The following TMEM182 variants were observed in gnomAD, a reference collection of about 807,000 sequenced individuals.
The protein encoded by TMEM182 is transmembrane protein 182.
TMEM182 carries 20 observed loss-of-function variants against 26.8 expected under a neutral mutation model. The ratio of observed to expected loss-of-function variants is 0.75; its 90% CI spans 0.53 to 1.09. The LOEUF is 1.09. TMEM182 is among the 50% of genes least tolerant of loss of function. The probability of loss-of-function intolerance (pLI) is 0.00; values close to 1 mark genes in which losing one functional copy is unlikely to be tolerated. For synonymous variants in TMEM182, 109 were observed against 102.2 expected (o/e 1.07, Z -0.40); for missense variants, 277 against 275.5 (o/e 1.01, Z -0.04).
At chr2:102,752,950 G>A (rs2540310) in intron 1 of TMEM182, among the ~76,000 whole-genome samples, 1 of 152,180 alleles carries the variant, frequency 6.6e-6, no homozygotes, top group South Asian at 2.1e-4. Flanking sequence ...TAATATGCAA[G>A]CTTAGAAAGA....
intron 1 of TMEM182, among the ~76,000 whole-genome samples, chr2:102,755,129 G>T (rs1162442457): frequency 6.6e-6 from 1 of 152,100 alleles, no homozygotes; most frequent in Admixed American, 6.5e-5. Flanking sequence ...CCAGGAAGCT[G>T]GAAGAATCTC....
intron 4 of TMEM182, among the ~76,000 whole-genome samples, chr2:102,798,684 C>CA (rs1223942336): frequency 1.3e-5 from 2 of 151,692 alleles, no homozygotes; most frequent in Admixed American, 6.6e-5. Flanking sequence ...ACTAAAAATA[C>CA]AAAAAAATTA....
At chr2:102,799,989 T>C (rs1156279698) in intron 4 of TMEM182, among the ~76,000 whole-genome samples, 1 of 152,096 alleles carries the variant, frequency 6.6e-6, no homozygotes, top group African/African-American at 2.4e-5. Flanking sequence ...TTTGGAGTTT[T>C]GTTTCCTGAG....
intron 4 of TMEM182, among the ~76,000 whole-genome samples, chr2:102,805,727 T>C (rs1294500654): frequency 6.6e-5 from 10 of 152,006 alleles, no homozygotes; most frequent in Admixed American, 6.6e-4. Context: ...TGAAAGACGG[T>C]TTTCAGATGT....
chr2:102,775,004 A>G (rs894400422), intron 3 of TMEM182: 5 of 152,242 alleles, frequency 3.3e-5, no homozygotes, highest in African/African-American at 9.6e-5. Context: ...TCTTGTCTAT[A>G]TATCTACAAA....
Position 102,828,917 on chromosome 2 carries a change from T to C in TMEM182, c.326-14495T>C, listed in dbSNP as rs112267746. ...ACCTGAAATTGCCTAAGAATTGATT[T>C]CCAGCAAATAAGGGGTATGAAGAAC... On this transcript the variant is annotated intron_variant, in intron 3 of 3. Coordinates refer to the TMEM182 transcript ENST00000486293. Among the ~76,000 whole-genome samples, 314 of 152,284 alleles carry C rather than the reference T, an allele frequency of 2.1e-3. 2 individuals carry two copies. Among genetic ancestry groups the C allele is most frequent in the African/African-American group, 7.2e-3 (298 of 41,568 alleles).
intron 1 of TMEM182, among the ~76,000 whole-genome samples, chr2:102,750,734 G>A (rs558432000): frequency 2.0e-5 from 3 of 152,300 alleles, no homozygotes; most frequent in African/African-American, 4.8e-5. Context: ...GGAAACAGTG[G>A]TTTGGCAACC....
chr2:102,762,081 C>T lies in TMEM182; in HGVS notation c.-137C>T, dbSNP rs941601393. 14 of 726,882 alleles carry T rather than the reference C, an allele frequency of 1.9e-5. No individual in the cohort carries two copies. Among genetic ancestry groups the T allele is most frequent in the Non-Finnish European group, 2.8e-5 (13 of 463,420 alleles). 45.0% of individuals were successfully genotyped at this position (726,882 alleles called of 1,614,324 possible). ...GAAGCCACCAAAACATGAGCTAGGA[C>T]AGCCTTCTCAAGAAGATTCTGCCAA... On this transcript the variant is annotated 5_prime_UTR_variant, in exon 1 of 5. Transcript: ENST00000412401.
intron 3 of TMEM182, among the ~76,000 whole-genome samples, chr2:102,768,882 G>T (rs1475642641): frequency 6.6e-6 from 1 of 151,768 alleles, no homozygotes; most frequent in Non-Finnish European, 1.5e-5. Context: ...CTACAAGCAG[G>T]GAGGCAGCGA....
chr2:102,752,205 A>G (rs1171298568), intron 1 of TMEM182, among the ~76,000 whole-genome samples: 14 of 152,218 alleles, frequency 9.2e-5, no homozygotes, highest in Admixed American at 9.2e-4. Context: ...AGCAATCCTG[A>G]TGCTTATTGC....
intron 4 of TMEM182, among the ~76,000 whole-genome samples, chr2:102,812,874 A>G (rs912841562): frequency 6.6e-6 from 1 of 152,230 alleles, no homozygotes; most frequent in African/African-American, 2.4e-5. Flanking sequence ...CTTTACATCA[A>G]CAGGCAACAC....
chr2:102,826,301 C>CTTTTTTT (rs375776814), intron 3 of TMEM182, among the ~76,000 whole-genome samples: 1 of 120,066 alleles, frequency 8.3e-6, no homozygotes, highest in South Asian at 2.8e-4. Flanking sequence ...CTGCAGCTGG[C>CTTTTTTT]TTTTTTTTTT....
intron 3 of TMEM182, among the ~76,000 whole-genome samples, chr2:102,837,556 G>A (rs1044891569): frequency 2.0e-5 from 3 of 150,098 alleles, no homozygotes; most frequent in African/African-American, 7.4e-5. Flanking sequence ...GGGGGTTCAG[G>A]GGGTCTGGGG....
chr2:102,786,331 C>T (rs1301663778), intron 3 of TMEM182, among the ~76,000 whole-genome samples: 7 of 150,902 alleles, frequency 4.6e-5, no homozygotes, highest in Admixed American at 1.3e-4. Context: ...TCTCCTGCCT[C>T]AGCCTCCTGA....
chr2:102,840,688 T>G (rs547735494), intron 3 of TMEM182, among the ~76,000 whole-genome samples: 1 of 152,252 alleles, frequency 6.6e-6, no homozygotes, highest in Non-Finnish European at 1.5e-5. Context: ...AAGCAAAATA[T>G]TCCCAGAAAG....
At chr2:102,841,250 C>T (rs1243597816) in intron 3 of TMEM182, among the ~76,000 whole-genome samples, 1 of 152,150 alleles carries the variant, frequency 6.6e-6, no homozygotes, top group Admixed American at 6.5e-5. Context: ...CTCCGAGGGG[C>T]ACCAGGGTCT....
At chr2:102,838,212 T>A (rs770270869) in intron 3 of TMEM182, among the ~76,000 whole-genome samples, 15 of 152,244 alleles carry the variant, frequency 9.9e-5, no homozygotes, top group Non-Finnish European at 1.9e-4. Flanking sequence ...TTATTACTTT[T>A]GAGGGATAGC....
At chr2:102,811,818 T>A (rs994381518) in intron 4 of TMEM182, among the ~76,000 whole-genome samples, 4 of 152,186 alleles carry the variant, frequency 2.6e-5, no homozygotes, top group African/African-American at 9.6e-5. Flanking sequence ...CTTTCTGGGG[T>A]AACAAGATTT....
chr2:102,815,241 A>G lies in TMEM182; in HGVS notation c.*273A>G, dbSNP rs937617419. The G allele has an allele frequency of 8.4e-7, 1 of 1,195,940 alleles. No homozygotes were observed. The allele number at this position is 1,195,940 out of a possible 1,614,324, so 74.1% of individuals were successfully genotyped here. A position where few individuals can be genotyped will look rare whatever the true frequency, so the allele number is the denominator to read the frequency against. On this transcript the variant is annotated 3_prime_UTR_variant, in exon 5 of 5. Coordinates refer to ENST00000412401, the MANE Select transcript of TMEM182 (RefSeq NM_144632.5). ...CCTTTCATTGAACATGTTAGAGTTCATGCAGGTCGCAAAGGCCTGATAATA... is the reference window on the plus strand; with the variant it reads ...CCTTTCATTGAACATGTTAGAGTTCGTGCAGGTCGCAAAGGCCTGATAATA...
Sources: gnomAD v4.1 joint callset for allele counts (sites outside exome capture counted in the v4.1 genomes callset) on GRCh38, gnomAD v4.1.1 for gene constraint, MANE v1.5 for transcripts, NCBI Gene and HGNC (gene_info 2026-07-23, HGNC 2026-07-21) for gene names.